Variants in FYB1 observed in about 807,000 individuals in gnomAD.
The protein encoded by FYB1 is FYN binding protein 1.
A neutral mutation model predicts 94.1 loss-of-function variants in FYB1; 41 were observed. The observed-to-expected ratio is 0.44, with a 90% CI of 0.34 to 0.57. The LOEUF is 0.57. FYB1 is among the 20% of genes least tolerant of loss of function. FYB1 has a pLI of 0.02. For synonymous variants in FYB1, 367 were observed against 353.2 expected, an observed-to-expected ratio of 1.04 and a Z score of -0.44; for missense variants, 1,050 against 976.8, an observed-to-expected ratio of 1.07 and a Z score of -1.00.
chr5:39,147,080 GA>G (rs1742723637), intron 3 of FYB1, among the ~76,000 whole-genome samples: 1 of 151,992 alleles, frequency 6.6e-6, no homozygotes, highest in African/African-American at 2.4e-5. Flanking sequence ...TGAATGAGAA[GA>G]AAAAGAAGCT....
In FYB1 at chr5:39,267,199, C is replaced by G. The variant is rs550628367; in HGVS notation, c.-28+7204G>C. The stretch of plus-strand genomic sequence containing the variant: ...CAATGCTAACTGCCAGTATTACTCT[C>G]CTGCAATCACTAGGAGTTTCTATGC... On this transcript the variant is annotated intron_variant, in intron 1 of 1. Transcript: ENST00000510188. 9.8e-4 allele frequency among the ~76,000 whole-genome samples: 150 copies of G among 152,326 alleles called. 3 individuals are homozygous for G. The highest frequency in any genetic ancestry group is 3.4e-3 in the African/African-American group (142 of 41,564).
rs1470604629 is a variant in FYB1 at position 39,105,318 on chromosome 5, T to C, written c.*2125A>G. On this transcript the variant is annotated 3_prime_UTR_variant, in exon 19 of 19. Transcript: ENST00000512982. ...TGACAAAATTCCATACAGAAGACTA[T>C]AACAGAAATCATATTTAATATATTA... The C allele has an allele frequency of 1.3e-5, 2 of 152,188 alleles. No individual in the cohort carries two copies. Among genetic ancestry groups the C allele is most frequent in the Non-Finnish European group, 2.9e-5 (2 of 68,028 alleles). 9.4% of individuals were successfully genotyped at this position (152,188 alleles called of 1,614,324 possible). A position where few individuals can be genotyped will look rare whatever the true frequency, so the allele number is the denominator to read the frequency against.
intron 1 of FYB1, among the ~76,000 whole-genome samples, chr5:39,232,550 TTTTA>T (rs1579747714): frequency 7.1e-6 from 1 of 141,628 alleles, no homozygotes; most frequent in South Asian, 2.2e-4. Flanking sequence ...TTTATTTATT[TTTTA>T]TTTATTTTTT....
intron 1 of FYB1, among the ~76,000 whole-genome samples, chr5:39,236,508 A>G (rs1436622847): frequency 6.6e-6 from 1 of 152,138 alleles, no homozygotes; most frequent in African/African-American, 2.4e-5. Flanking sequence ...GAAAAAATTC[A>G]GAAATTGAGA....
chr5:39,166,888 C>T (rs1482054446), intron 2 of FYB1, among the ~76,000 whole-genome samples: 2 of 151,746 alleles, frequency 1.3e-5, no homozygotes, highest in African/African-American at 4.8e-5. Context: ...ATAATAAAAG[C>T]CCAGACTTCA....
chr5:39,192,717 T>C (rs1747470137), intron 2 of FYB1, among the ~76,000 whole-genome samples: 1 of 152,244 alleles, frequency 6.6e-6, no homozygotes, highest in South Asian at 2.1e-4. Flanking sequence ...CTCTTCCCTG[T>C]AAACTAAATG....
intron 1 of FYB1, among the ~76,000 whole-genome samples, chr5:39,248,305 T>G (rs1751572561): frequency 6.6e-6 from 1 of 151,972 alleles, no homozygotes; most frequent in East Asian, 1.9e-4. Context: ...TGGAGACAGA[T>G]AAGAGTGGAA....
At chr5:39,215,153 C>A (rs1460661063) in intron 1 of FYB1, among the ~76,000 whole-genome samples, 2 of 151,970 alleles carry the variant, frequency 1.3e-5, no homozygotes, top group Non-Finnish European at 2.9e-5. Flanking sequence ...CCACATTTTA[C>A]CCTTAAAAAT....
chr5:39,167,142 G>C (rs1296706919), intron 2 of FYB1, among the ~76,000 whole-genome samples: 2 of 151,986 alleles, frequency 1.3e-5, no homozygotes, highest in Non-Finnish European at 2.9e-5. Context: ...AGACACAGAA[G>C]GAAAAAAATA....
chr5:39,210,798 C>T (rs1393210735), intron 1 of FYB1, among the ~76,000 whole-genome samples: 1 of 152,246 alleles, frequency 6.6e-6, no homozygotes, highest in East Asian at 1.9e-4. Flanking sequence ...ACCGCTTGAG[C>T]CCAAGGGTTT....
At chr5:39,243,635 G>A (rs1375954945) in intron 1 of FYB1, among the ~76,000 whole-genome samples, 3 of 152,038 alleles carry the variant, frequency 2.0e-5, no homozygotes, top group Non-Finnish European at 4.4e-5. Flanking sequence ...CTCTTTTTTG[G>A]TTCCATATGA....
chr5:39,237,675 A>C (rs1175386293), intron 1 of FYB1, among the ~76,000 whole-genome samples: 1 of 152,156 alleles, frequency 6.6e-6, no homozygotes, highest in African/African-American at 2.4e-5. Flanking sequence ...AGAGATACTG[A>C]TGATGGCATA....
At chr5:39,227,964 T>C (rs1377129885) in intron 1 of FYB1, among the ~76,000 whole-genome samples, 2 of 152,192 alleles carry the variant, frequency 1.3e-5, no homozygotes, top group African/African-American at 2.4e-5. Context: ...AACTGGGAAC[T>C]GGGAACAGAA....
chr5:39,173,232 C>T (rs74738725), intron 2 of FYB1, among the ~76,000 whole-genome samples: 14,923 of 152,146 alleles, frequency 0.098, 973 homozygotes, highest in Non-Finnish European at 0.14. Flanking sequence ...ATTTGTTTAT[C>T]GGCCACTTGT....
chr5:39,123,655 A>G (rs1740343248), intron 13 of FYB1, among the ~76,000 whole-genome samples: 1 of 152,140 alleles, frequency 6.6e-6, no homozygotes, highest in Non-Finnish European at 1.5e-5. Context: ...TGCTCTTTTA[A>G]TATACTTATA....
chr5:39,153,103 C>T (rs1046184168), intron 3 of FYB1, among the ~76,000 whole-genome samples: 5 of 148,734 alleles, frequency 3.4e-5, no homozygotes, highest in African/African-American at 4.8e-5. Flanking sequence ...TGGTGGTGAT[C>T]GTGATAGTGG....
chr5:39,195,450 C>T lies in FYB1; in HGVS notation c.1135+6376G>A, dbSNP rs1296915362. ...GGCCTGTGAAGGAAAATCTTACCCA[C>T]TCCTGGAAACAAGTTACTTGCTGGT... On this transcript the variant is annotated intron_variant, in intron 2 of 18. Coordinates refer to ENST00000512982, the MANE Select transcript of FYB1 (RefSeq NM_001465.6). 2.0e-5 allele frequency among the ~76,000 whole-genome samples: 3 copies of T among 152,300 alleles called. No homozygotes were observed. The East Asian group carries it at 5.8e-4, about 29-fold the overall frequency.
chr5:39,161,244 T>A (rs1744222371), intron 2 of FYB1, among the ~76,000 whole-genome samples: 2 of 152,238 alleles, frequency 1.3e-5, no homozygotes, highest in African/African-American at 4.8e-5. Flanking sequence ...TATCACACAT[T>A]TAATGTTTCA....
chr5:39,113,609 G>C (rs990134795), intron 16 of FYB1, among the ~76,000 whole-genome samples: 2 of 151,986 alleles, frequency 1.3e-5, no homozygotes, highest in African/African-American at 4.8e-5. Context: ...ATTAACCAAG[G>C]AAATAGAAAA....
Sources: allele counts gnomAD v4.1 joint callset (sites outside exome capture counted in the v4.1 genomes callset), GRCh38; gene constraint gnomAD v4.1.1; transcripts MANE v1.5; gene names NCBI Gene and HGNC (gene_info 2026-07-23, HGNC 2026-07-21).